Variants in RUNX2 observed in about 807,000 individuals in gnomAD.
The protein encoded by RUNX2 is RUNX family transcription factor 2.
In RUNX2, 10 loss-of-function variants were observed where a neutral mutation model predicts 51.7. That is an observed-to-expected ratio of 0.19 (90% CI 0.12 to 0.33). RUNX2 has a LOEUF of 0.33. RUNX2 is among the 10% of genes least tolerant of loss of function. The pLI is 1.00. For synonymous variants in RUNX2, 276 were observed against 273.6 expected (o/e 1.01, Z -0.09); for missense variants, 562 against 691.3 (o/e 0.81, Z 2.10).
intron 7 of RUNX2, among the ~76,000 whole-genome samples, chr6:45,531,461 A>G (rs971905353): frequency 6.6e-6 from 1 of 152,108 alleles, no homozygotes; most frequent in African/African-American, 2.4e-5. Flanking sequence ...GAAATCTTAA[A>G]ACCTCAAAAT....
At chr6:45,332,621 C>T (rs1024517356) in intron 2 of RUNX2, among the ~76,000 whole-genome samples, 2 of 151,714 alleles carry the variant, frequency 1.3e-5, no homozygotes, top group African/African-American at 4.8e-5. Flanking sequence ...ATTAAAACTG[C>T]AAATACTATT....
intron 2 of RUNX2, among the ~76,000 whole-genome samples, chr6:45,339,023 TATA>T (rs1368298536): frequency 8.5e-5 from 13 of 152,140 alleles, no homozygotes; most frequent in Non-Finnish European, 1.6e-4. Flanking sequence ...AATAAGGTAA[TATA>T]AGAAGAAAAA....
At chr6:45,379,376 T>G (rs1797171028) in intron 2 of RUNX2, among the ~76,000 whole-genome samples, 1 of 152,130 alleles carries the variant, frequency 6.6e-6, no homozygotes, top group African/African-American at 2.4e-5. Flanking sequence ...TAACAGAAGA[T>G]TAAGAGAAAA....
At chr6:45,532,660 T>G (rs1801898817) in intron 7 of RUNX2, among the ~76,000 whole-genome samples, 1 of 152,150 alleles carries the variant, frequency 6.6e-6, no homozygotes, top group Non-Finnish European at 1.5e-5. Flanking sequence ...ACCCGAAAAT[T>G]AAGTCCTTAT....
At chr6:45,546,050 C>T (rs968624586) in intron 8 of RUNX2, among the ~76,000 whole-genome samples, 6 of 152,118 alleles carry the variant, frequency 3.9e-5, no homozygotes, top group Admixed American at 2.0e-4. Flanking sequence ...CCCTAGGCAG[C>T]GAGCCTCTCG....
Position 45,549,314 on chromosome 6 carries a change from C to T in RUNX2, c.*2009C>T. 1 of 398,572 alleles carries T rather than the reference C, an allele frequency of 2.5e-6. No individual in the cohort carries two copies. Among genetic ancestry groups the T allele is most frequent in the Non-Finnish European group, 4.4e-6 (1 of 226,056 alleles). 24.7% of individuals were successfully genotyped at this position (398,572 alleles called of 1,614,324 possible). A position where few individuals can be genotyped will look rare whatever the true frequency, so the allele number is the denominator to read the frequency against. On this transcript the variant is annotated 3_prime_UTR_variant, in exon 9 of 9. Coordinates refer to ENST00000647337, the MANE Select transcript of RUNX2 (RefSeq NM_001024630.4). ...GGCCCCCTTGTTCTCTGGTCCTTCT[C>T]AAACCCACCTTTGTAGGCCACCCAG...
rs923023175 is a variant in RUNX2, at chr6:45,422,972, C to A, written c.423+15C>A. ...TGGCCTTCAAGGTAAGAGGCTACAC[C>A]GCCCCCCGCCCCCGGCCGGGAGCGG... On this transcript the variant is annotated intron_variant, in intron 3 of 8. Transcript: ENST00000647337. 4 of 1,605,556 alleles carry A rather than the reference C, an allele frequency of 2.5e-6. No homozygotes were observed. The highest frequency in any genetic ancestry group is 2.5e-6 in the Non-Finnish European group (3 of 1,178,366).
intron 5 of RUNX2, among the ~76,000 whole-genome samples, chr6:45,485,572 G>T (rs1335815207): frequency 3.3e-5 from 5 of 151,542 alleles, no homozygotes; most frequent in Non-Finnish European, 7.4e-5. Context: ...ATAGTAGTAA[G>T]ACTAGAGTTA....
At chr6:45,492,140 T>C (rs778813425) in intron 6 of RUNX2, 26 bp downstream of exon 6, 10 of 1,612,482 alleles carry the variant, frequency 6.2e-6, no homozygotes, top group Non-Finnish European at 8.5e-6. Context: ...AGGTTTCACT[T>C]GCATAGACGC....
At chr6:45,432,184 T>C (rs1355017193) in intron 4 of RUNX2, among the ~76,000 whole-genome samples, 165 bp downstream of exon 4, 1 of 152,256 alleles carries the variant, frequency 6.6e-6, no homozygotes, top group African/African-American at 2.4e-5. Context: ...TTCTGAGTAC[T>C]CAGGCCTTTT....
chr6:45,400,433 T>C (rs1317073458), intron 2 of RUNX2, among the ~76,000 whole-genome samples: 2 of 152,228 alleles, frequency 1.3e-5, no homozygotes, highest in South Asian at 2.1e-4. Flanking sequence ...CTAGTTCCAG[T>C]AAATGGTAAC....
intron 2 of RUNX2, among the ~76,000 whole-genome samples, chr6:45,370,126 G>C (rs1040444623): frequency 6.6e-6 from 1 of 152,220 alleles, no homozygotes; most frequent in Non-Finnish European, 1.5e-5. Context: ...ATACTATATG[G>C]AAGCAAGAGT....
intron 3 of RUNX2, among the ~76,000 whole-genome samples, chr6:45,426,503 G>C (rs1311686855): frequency 6.6e-6 from 1 of 152,194 alleles, no homozygotes; most frequent in African/African-American, 2.4e-5. Context: ...GTGAAGCCTG[G>C]TGTTCAGGGT....
intron 2 of RUNX2, among the ~76,000 whole-genome samples, chr6:45,363,848 A>C (rs1049404569): frequency 1.3e-5 from 2 of 151,976 alleles, no homozygotes; most frequent in African/African-American, 2.4e-5. Flanking sequence ...TATATTATTT[A>C]TATTAACATA....
At position 45,505,986 on chromosome 6, in the gene RUNX2, C is replaced by T. The variant is rs565889030; in HGVS notation, c.860-6260C>T. 6.6e-5 allele frequency among the ~76,000 whole-genome samples: 10 copies of T among 152,282 alleles called. No individual in the cohort carries two copies. The East Asian group carries it at 1.7e-3, about 26-fold the overall frequency. ...GGTTCCTTTTTACGGCTTTCAGTGG[C>T]TTCTACCTTAGACAGAAAAAGAGAA... On this transcript the variant is annotated intron_variant, in intron 6 of 8. Transcript: ENST00000647337.
intron 2 of RUNX2, among the ~76,000 whole-genome samples, chr6:45,397,417 A>G (rs1797607950): frequency 1.3e-5 from 2 of 152,182 alleles, no homozygotes; most frequent in South Asian, 4.2e-4. Context: ...CATATATTTC[A>G]AACTTTTAAA....
At chr6:45,445,707 A>G (rs886713469) in intron 5 of RUNX2, among the ~76,000 whole-genome samples, 5 of 152,174 alleles carry the variant, frequency 3.3e-5, no homozygotes, top group Non-Finnish European at 7.3e-5. Flanking sequence ...ATTGTCATAG[A>G]TATTAATCAC....
intron 2 of RUNX2, among the ~76,000 whole-genome samples, chr6:45,355,237 C>G (rs1792928709): frequency 6.6e-6 from 1 of 151,298 alleles, no homozygotes; most frequent in African/African-American, 2.4e-5. Context: ...ACTGGGATTA[C>G]AGGCATGAGC....
At chr6:45,475,828 G>T (rs891911229) in intron 5 of RUNX2, among the ~76,000 whole-genome samples, 1 of 152,188 alleles carries the variant, frequency 6.6e-6, no homozygotes, top group Non-Finnish European at 1.5e-5. Flanking sequence ...CGGTGAACTG[G>T]TACATAAAAT....
Sources: allele counts gnomAD v4.1 joint callset (sites outside exome capture counted in the v4.1 genomes callset), GRCh38; gene constraint gnomAD v4.1.1; transcripts MANE v1.5; gene names NCBI Gene and HGNC (gene_info 2026-07-23, HGNC 2026-07-21).